PTCHD4: variants seen among roughly 807,000 people sequenced by gnomAD.
The protein encoded by PTCHD4 is patched domain-containing protein 4.
Under a neutral mutation model 58.1 loss-of-function variants are expected in PTCHD4, and 33 were observed. The observed-to-expected ratio is 0.57, with a 90% CI of 0.43 to 0.76. The LOEUF (loss-of-function observed/expected upper bound fraction) is 0.76. Among genes scored for constraint, PTCHD4 ranks in the 30% least tolerant of loss-of-function variants. The probability of loss-of-function intolerance (pLI) is 0.00; values close to 1 mark genes in which losing one functional copy is unlikely to be tolerated. For synonymous variants in PTCHD4, 478 were observed against 409.6 expected (o/e 1.17, Z -2.02); for missense variants, 1,058 against 1,027.1 (o/e 1.03, Z -0.41).
At chr6:48,099,337 T>G (rs1268470102) in intron 1 of PTCHD4, among the ~76,000 whole-genome samples, 1 of 152,222 alleles carries the variant, frequency 6.6e-6, no homozygotes, top group East Asian at 1.9e-4. Flanking sequence ...TAGGAATTTC[T>G]GTTCTAGAAC....
At chr6:47,993,540 C>A (rs1376486304) in intron 4 of PTCHD4, among the ~76,000 whole-genome samples, 3 of 152,158 alleles carry the variant, frequency 2.0e-5, no homozygotes, top group African/African-American at 7.2e-5. Context: ...GATGTCAAAG[C>A]AGCAGGCAGA....
chr6:48,100,847 T>A (rs1171213676), intron 1 of PTCHD4, among the ~76,000 whole-genome samples: 2 of 152,222 alleles, frequency 1.3e-5, no homozygotes, highest in East Asian at 3.8e-4. Flanking sequence ...TAGAGAATCC[T>A]GACCAAAACC....
At chr6:48,033,857 T>C (rs534595656) in intron 3 of PTCHD4, among the ~76,000 whole-genome samples, 70 of 152,114 alleles carry the variant, frequency 4.6e-4, no homozygotes, top group Admixed American at 9.8e-4. Context: ...AAATTTTTAC[T>C]ACGAGATGCT....
At chr6:47,889,785 T>A (rs1192784722) in intron 4 of PTCHD4, among the ~76,000 whole-genome samples, 1 of 150,568 alleles carries the variant, frequency 6.6e-6, no homozygotes, top group African/African-American at 2.4e-5. Context: ...ATTCAAGACA[T>A]AGGCATGGGC....
At chr6:48,033,570 G>A (rs577825035) in intron 3 of PTCHD4, among the ~76,000 whole-genome samples, 1 of 151,766 alleles carries the variant, frequency 6.6e-6, no homozygotes, top group African/African-American at 2.4e-5. Context: ...CATATGTATG[G>A]CCTTTTTCAC....
intron 4 of PTCHD4, among the ~76,000 whole-genome samples, chr6:47,973,885 G>A (rs1415857691): frequency 6.6e-6 from 1 of 152,152 alleles, no homozygotes; most frequent in East Asian, 1.9e-4. Flanking sequence ...TTTGGGTTAA[G>A]CATATACCAT....
intron 1 of PTCHD4, among the ~76,000 whole-genome samples, chr6:48,085,102 G>T (rs576662095): frequency 9.3e-5 from 14 of 150,928 alleles, no homozygotes; most frequent in Non-Finnish European, 2.1e-4. Context: ...ACAGTCACCC[G>T]ATAGTTAAGT....
intron 3 of PTCHD4, among the ~76,000 whole-genome samples, chr6:48,024,987 T>C (rs1763193229): frequency 1.3e-5 from 2 of 152,316 alleles, no homozygotes; most frequent in South Asian, 2.1e-4. Flanking sequence ...TGCTGCCCCA[T>C]TATTTGAACA....
At chr6:48,031,723 C>A (rs1425363423) in intron 3 of PTCHD4, among the ~76,000 whole-genome samples, 1 of 152,042 alleles carries the variant, frequency 6.6e-6, no homozygotes, top group Non-Finnish European at 1.5e-5. Flanking sequence ...CCCAAAAATA[C>A]ATTAAACAAG....
At position 48,003,651 on chromosome 6, in the gene PTCHD4, T is replaced by C. The variant is rs114847561; in HGVS notation, c.898+4983A>G. ...TATGTAATGTAGACAAAAATATCTT[T>C]ATAAAGTATGTCAGACCACACCCTC... On this transcript the variant is annotated intron_variant, in intron 4 of 4. Coordinates refer to ENST00000339488, the MANE Select transcript of PTCHD4 (RefSeq NM_001384253.1). Among the ~76,000 whole-genome samples the C allele has an allele frequency of 9.0e-3, 1,374 of 152,308 alleles. 23 individuals are homozygous for C. The highest frequency in any genetic ancestry group is 0.031 in the African/African-American group (1,278 of 41,566).
At chr6:47,985,679 C>G (rs924173961) in intron 4 of PTCHD4, among the ~76,000 whole-genome samples, 1 of 151,750 alleles carries the variant, frequency 6.6e-6, no homozygotes, top group African/African-American at 2.4e-5. Context: ...ATTGCCATGC[C>G]CTATTTTTCA....
At chr6:48,088,533 G>A (rs1333135526) in intron 1 of PTCHD4, among the ~76,000 whole-genome samples, 6 of 152,198 alleles carry the variant, frequency 3.9e-5, no homozygotes, top group South Asian at 2.1e-4. Flanking sequence ...TTGTGTAAAT[G>A]TGAAAGTTAT....
Position 47,926,891 on chromosome 6 carries a change from G to A in PTCHD4, c.899-46955C>T, listed in dbSNP as rs1335120457. Among the ~76,000 whole-genome samples, 3 of 152,184 alleles carry A rather than the reference G, an allele frequency of 2.0e-5. No homozygotes were observed. In the East Asian group the frequency reaches 5.8e-4, roughly 29 times the overall value. The stretch of plus-strand genomic sequence containing the variant: ...ACACTAAAACCTGATAACTATTACT[G>A]TTTTCTCATTGAAATCTATAGTTAG... On this transcript the variant is annotated intron_variant, in intron 4 of 4. Transcript: ENST00000339488.
intron 4 of PTCHD4, among the ~76,000 whole-genome samples, chr6:47,918,170 T>C (rs1417109186): frequency 6.6e-6 from 1 of 152,124 alleles, no homozygotes; most frequent in Admixed American, 6.6e-5. Flanking sequence ...ACCTAAAAAA[T>C]TTCATGTCTG....
At chr6:48,103,463 C>T (rs927703455) in intron 1 of PTCHD4, among the ~76,000 whole-genome samples, 10 of 152,116 alleles carry the variant, frequency 6.6e-5, no homozygotes, top group African/African-American at 2.4e-4. Flanking sequence ...ACGTCACCAT[C>T]ATCAAAGACC....
intron 3 of PTCHD4, among the ~76,000 whole-genome samples, chr6:48,050,903 A>G (rs1291003278): frequency 2.0e-5 from 3 of 152,072 alleles, no homozygotes; most frequent in Non-Finnish European, 4.4e-5. Flanking sequence ...TTTTCTATTC[A>G]TGATAATTGA....
In PTCHD4 at chr6:47,931,206, A is replaced by T. The variant is rs117735615; in HGVS notation, c.899-51270T>A. 3.0e-4 allele frequency among the ~76,000 whole-genome samples: 46 copies of T among 152,350 alleles called. 2 individuals carry two copies. In the East Asian group the frequency reaches 8.3e-3, roughly 27 times the overall value. On this transcript the variant is annotated intron_variant, in intron 4 of 4. Transcript: ENST00000339488. ...GGCAGCATCCTGCTTAGCACTCCCCATTCACCACGAACAGGAGGGGGCTGC... is the reference window on the plus strand; with the variant it reads ...GGCAGCATCCTGCTTAGCACTCCCCTTTCACCACGAACAGGAGGGGGCTGC...
chr6:48,062,276 G>T (rs963107410), intron 3 of PTCHD4, among the ~76,000 whole-genome samples: 1 of 152,058 alleles, frequency 6.6e-6, no homozygotes, highest in Non-Finnish European at 1.5e-5. Context: ...TATTTTTGGC[G>T]GGGTGGGGAT....
At chr6:48,105,363 GA>G (rs567244718) in intron 1 of PTCHD4, among the ~76,000 whole-genome samples, 40 of 143,608 alleles carry the variant, frequency 2.8e-4, no homozygotes, top group Non-Finnish European at 5.1e-4. Flanking sequence ...CTGGGTACAC[GA>G]AATGAAGGCA....
Sources: allele counts gnomAD v4.1 joint callset (sites outside exome capture counted in the v4.1 genomes callset), GRCh38; gene constraint gnomAD v4.1.1; transcripts MANE v1.5; gene names NCBI Gene and HGNC (gene_info 2026-07-23, HGNC 2026-07-21).